The following TBPL2 variants were observed in gnomAD, a reference collection of about 807,000 sequenced individuals.
TBPL2 encodes TATA-box binding protein like 2.
In TBPL2, 40 loss-of-function variants were observed where a neutral mutation model predicts 38.2. The observed-to-expected ratio is 1.05, with a 90% CI of 0.81 to 1.36. TBPL2 has a LOEUF of 1.36. TBPL2 is among the 40% of genes most tolerant of loss of function. TBPL2 has a pLI of 0.00. For synonymous variants in TBPL2, 169 were observed against 171.7 expected, an observed-to-expected ratio of 0.98 and a Z score of 0.12; for missense variants, 461 against 456.7, an observed-to-expected ratio of 1.01 and a Z score of -0.09.
chr14:55,433,688 G>A, exon 4 of TBPL2: 1 of 1,614,042 alleles, frequency 6.2e-7, no homozygotes, highest in African/African-American at 1.3e-5. Flanking sequence ...GTTGTCCTGG[G>A]CTCTCGGATC....
At chr14:55,436,779 T>C (rs376640691) in exon 2 of TBPL2, 21 of 1,614,096 alleles carry the variant, frequency 1.3e-5, no homozygotes, top group Non-Finnish European at 1.8e-5. Flanking sequence ...ACCTACTTTG[T>C]GGACTTTGGC....
At chr14:55,419,867 A>G (rs1038912873) in intron 6 of TBPL2, among the ~76,000 whole-genome samples, 3 of 152,184 alleles carry the variant, frequency 2.0e-5, no homozygotes, top group African/African-American at 7.2e-5. Flanking sequence ...TGTAATTGCA[A>G]CACTTTACAT....
At chr14:55,439,188 C>T (rs1886064717) in intron 1 of TBPL2, among the ~76,000 whole-genome samples, 1 of 151,550 alleles carries the variant, frequency 6.6e-6, no homozygotes. Context: ...AGCCACGTGC[C>T]TCGGCCTCCC....
intron 5 of TBPL2, among the ~76,000 whole-genome samples, chr14:55,425,994 G>A (rs1023634062): frequency 1.3e-5 from 2 of 152,154 alleles, no homozygotes; most frequent in African/African-American, 4.8e-5. Flanking sequence ...GGGGCCGGGT[G>A]CGGTGGCTCA....
exon 2 of TBPL2, chr14:55,436,791 T>G: frequency 6.2e-7 from 1 of 1,614,230 alleles, no homozygotes; most frequent in East Asian, 2.2e-5. Context: ...GACTTTGGCT[T>G]TCAGAATTTT....
rs140371571 is a variant in TBPL2, at chr14:55,433,694, G to A, written c.724C>T (p.Arg242Ter). 63 of 1,613,832 alleles carry A rather than the reference G, an allele frequency of 3.9e-5. No homozygotes were observed. Among genetic ancestry groups the A allele is most frequent in the Admixed American group, 2.3e-4 (14 of 59,978 alleles). The change falls in exon 4 of 7, where the codon CGA becomes TGA. Residue 242 changes from arginine to a stop codon, truncating the protein, a stop_gained. Coordinates refer to ENST00000247219, the Ensembl canonical transcript of TBPL2. LOFTEE classifies it high-confidence loss of function. The stretch of plus-strand genomic sequence containing the variant: ...ATAAGGGCTGTTGTCCTGGGCTCTC[G>A]GATCCTCATTATGACAGCAGCAAAC...
chr14:55,421,764 C>A (rs1885748583), intron 6 of TBPL2, among the ~76,000 whole-genome samples: 1 of 152,136 alleles, frequency 6.6e-6, no homozygotes, highest in Admixed American at 6.5e-5. Flanking sequence ...TACCCAGAAA[C>A]TTTCCCCTCT....
At chr14:55,426,279 AT>A (rs1025741717) in intron 5 of TBPL2, among the ~76,000 whole-genome samples, 8 of 150,694 alleles carry the variant, frequency 5.3e-5, no homozygotes, top group African/African-American at 2.0e-4. Flanking sequence ...AAAAAAAAAA[AT>A]AAATAAATAA....
At chr14:55,415,943 T>TA (rs1885662365) in intron 6 of TBPL2, among the ~76,000 whole-genome samples, 1 of 152,144 alleles carries the variant, frequency 6.6e-6, no homozygotes. Context: ...TGCTACAACA[T>TA]ATAGCATGTT....
At chr14:55,437,213 A>AC (rs140036167) in intron 1 of TBPL2, among the ~76,000 whole-genome samples, 195 bp from the exon 2 acceptor site, 9,014 of 152,362 alleles carry the variant, frequency 0.059, 341 homozygotes, top group Non-Finnish European at 0.086. Flanking sequence ...GTGGTAGCTC[A>AC]CGCCTGTAAT....
chr14:55,428,869 G>A (rs778285387), exon 5 of TBPL2: 2 of 1,614,140 alleles, frequency 1.2e-6, no homozygotes, highest in Admixed American at 3.3e-5. Context: ...TCACATCACA[G>A]CTTCCAACCA....
At chr14:55,426,400 T>G (rs564415068) in intron 5 of TBPL2, among the ~76,000 whole-genome samples, 27 of 152,332 alleles carry the variant, frequency 1.8e-4, no homozygotes, top group African/African-American at 6.0e-4. Flanking sequence ...TATTAAATGT[T>G]GACATACAAA....
chr14:55,437,344 A>C (rs1251113246), intron 1 of TBPL2, among the ~76,000 whole-genome samples: 1 of 152,214 alleles, frequency 6.6e-6, no homozygotes, highest in Non-Finnish European at 1.5e-5. Context: ...AGAGCATGGT[A>C]GTGCCTGCCT....
intron 6 of TBPL2, among the ~76,000 whole-genome samples, chr14:55,421,101 T>TGGGA (rs1452781700): frequency 4.8e-5 from 7 of 146,770 alleles, no homozygotes; most frequent in Non-Finnish European, 9.1e-5. Flanking sequence ...TTGGGGTAGG[T>TGGGA]GGGAAAGCTG....
At chr14:55,430,762 T>C (rs1212123511) in intron 4 of TBPL2, among the ~76,000 whole-genome samples, 1 of 152,234 alleles carries the variant, frequency 6.6e-6, no homozygotes, top group East Asian at 1.9e-4. Context: ...TTGGCTCTCT[T>C]CACCCACTTC....
chr14:55,435,980 T>TAAA (rs113744998), intron 2 of TBPL2, 46 bp from the exon 3 acceptor site: 14,513 of 859,054 alleles, frequency 0.017, 7 homozygotes, highest in East Asian at 0.024. Context: ...ATATAAAGAG[T>TAAA]AAAAAAAAAA....
chr14:55,422,590 A>G lies in TBPL2; in HGVS notation c.1051+1569T>C, dbSNP rs372312768. 1.5e-4 allele frequency among the ~76,000 whole-genome samples: 23 copies of G among 152,254 alleles called. 1 individual carries two copies. Among genetic ancestry groups the G allele is most frequent in the African/African-American group, 5.3e-4 (22 of 41,560 alleles). On this transcript the variant is annotated intron_variant, in intron 6 of 6. Coordinates refer to ENST00000247219, the Ensembl canonical transcript of TBPL2. ...CTGTAGGTGGGGCACAGTGGCTCAC[A>G]CCTGTAGTCCCAGCACTTTGAGAGG... is the stretch of plus-strand genomic sequence containing the variant.
chr14:55,433,777 G>T, intron 3 of TBPL2, 56 bp from the exon 4 acceptor site: 1 of 1,508,976 alleles, frequency 6.6e-7, no homozygotes, highest in Non-Finnish European at 9.1e-7. Context: ...CATTATCCCA[G>T]TTGAAAAAGC....
At chr14:55,421,086 GA>G in intron 6 of TBPL2, among the ~76,000 whole-genome samples, 1 of 142,256 alleles carries the variant, frequency 7.0e-6, no homozygotes, top group South Asian at 2.3e-4. Flanking sequence ...AAAGAAAAAA[GA>G]AATTTGGGGT....
Sources: allele counts gnomAD v4.1 joint callset (sites outside exome capture counted in the v4.1 genomes callset), GRCh38; gene constraint gnomAD v4.1.1; transcripts MANE v1.5; gene names NCBI Gene and HGNC (gene_info 2026-07-23, HGNC 2026-07-21).